The following ZNF549 variants were observed in gnomAD, a reference collection of about 807,000 sequenced individuals.
The protein encoded by ZNF549 is zinc finger protein 549.
Under a neutral mutation model 11.1 loss-of-function variants are expected in ZNF549, and 11 were observed. The ratio of observed to expected loss-of-function variants is 0.99; its 90% CI spans 0.62 to 1.64. The LOEUF (loss-of-function observed/expected upper bound fraction) is 1.64, where lower values mean the gene tolerates loss of function less well. Among genes scored for constraint, ZNF549 ranks in the 40% most tolerant of loss-of-function variants. The pLI is 0.00. For missense variants in ZNF549, 748 were observed against 765.1 expected, an observed-to-expected ratio of 0.98 and a Z score of 0.26; for synonymous variants, 266 against 269.1, an observed-to-expected ratio of 0.99 and a Z score of 0.11.
rs1568590436 is a variant in ZNF549 at position 57,537,435 on chromosome 19, G to A, written c.431G>A (p.Gly144Asp). 1.2e-6 allele frequency: 2 copies of A among 1,614,190 alleles called. No individual in the cohort carries two copies. Among genetic ancestry groups the A allele is most frequent in the East Asian group, 2.2e-5 (1 of 44,884 alleles). Residue 144 changes from glycine to aspartate, a missense_variant, in exon 4 of 4, where the codon GGT becomes GAT. Coordinates refer to ENST00000376233, the MANE Select transcript of ZNF549 (RefSeq NM_001199295.2). ...GCCAGTGGGAAATGGTTTTCATTTG[G>A]TTCTAACCTGCAACAGCACCAGAAC... ...SVASGKWFSF[G>D]SNLQQHQNQD...
At chr19:57,527,982 G>C (rs1056915001) in intron 1 of ZNF549, among the ~76,000 whole-genome samples, 1 of 152,088 alleles carries the variant, frequency 6.6e-6, no homozygotes. Context: ...TCTGAGTGAG[G>C]GTCTGAAAAA....
chr19:57,536,428 A>T (rs1272104965), intron 3 of ZNF549, among the ~76,000 whole-genome samples: 1 of 152,190 alleles, frequency 6.6e-6, no homozygotes, highest in Non-Finnish European at 1.5e-5. Flanking sequence ...AAAGTTCAAA[A>T]TTCAAAGTAT....
intron 1 of ZNF549, among the ~76,000 whole-genome samples, chr19:57,529,020 A>G (rs1568588285): frequency 6.6e-6 from 1 of 152,218 alleles, no homozygotes. Flanking sequence ...TAAGATTATG[A>G]TACCATATTT....
rs2089931646 is a variant in ZNF549 at position 57,537,610 on chromosome 19, C to T, written c.606C>T (p.Thr202=). Residue 202 remains threonine, a synonymous_variant, in exon 4 of 4, where the codon ACC becomes ACT. Transcript: ENST00000376233. ...TCCTGGGCCTTCTCCAACACCAGAC[C>T]ACCCACAGCAGACAAGAGTATGCAC... ...PTILGLLQHQ[T]THSRQEYAHR... 1 of 1,614,166 alleles carries T rather than the reference C, an allele frequency of 6.2e-7. No homozygotes were observed.
rs993559087 is a variant in ZNF549, at chr19:57,538,491, C to T, written c.1487C>T (p.Thr496Ile). The T allele has an allele frequency of 1.2e-6, 2 of 1,614,088 alleles. No individual in the cohort carries two copies. Among genetic ancestry groups the T allele is most frequent in the African/African-American group, 1.3e-5 (1 of 74,918 alleles). Reference protein sequence around the residue: ...QTLLKHHKIHTRERPYECSEC... With the variant: ...QTLLKHHKIHIRERPYECSEC... ...CTTCTTAAGCATCACAAAATCCACA[C>T]TAGAGAAAGGCCTTATGAATGCAGT... The change falls in exon 4 of 4, where the codon ACT becomes ATT. Residue 496 changes from threonine to isoleucine, a missense_variant. Thr to Ile is a moderately conservative substitution (Grantham distance 89, BLOSUM62 -1). Transcript: ENST00000376233.
rs980374067 is a variant in ZNF549 at position 57,539,031 on chromosome 19, C to T, written c.*104C>T. ...AATTCACCCTCATACATCTGCATAT[C>T]ACTAGTTGAAAGATTCACTACAAGG... is the stretch of plus-strand genomic sequence containing the variant. On this transcript the variant is annotated 3_prime_UTR_variant, in exon 4 of 4. Coordinates refer to ENST00000376233, the MANE Select transcript of ZNF549 (RefSeq NM_001199295.2). The T allele has an allele frequency of 7.7e-7, 1 of 1,295,996 alleles. No homozygotes were observed. The highest frequency in any genetic ancestry group is 2.3e-5 in the Admixed American group (1 of 43,624). The allele number at this position is 1,295,996 out of a possible 1,614,324, so 80.3% of individuals were successfully genotyped here. A position where few individuals can be genotyped will look rare whatever the true frequency, so the allele number is the denominator to read the frequency against.
At chr19:57,527,712 T>G in intron 1 of ZNF549, 106 bp downstream of exon 1, 1 of 1,405,114 alleles carries the variant, frequency 7.1e-7, no homozygotes, top group Non-Finnish European at 9.8e-7. Flanking sequence ...CAGCGAGGAG[T>G]TCTGGGTGGG....
Position 57,540,094 on chromosome 19 carries a change from A to G in ZNF549, c.*1167A>G, listed in dbSNP as rs1905261902. ...TGAGATGATTGCTGCACGGGCAGGA[A>G]AGCAGGATTTGAGAGAACATACACC... is the stretch of plus-strand genomic sequence containing the variant. On this transcript the variant is annotated 3_prime_UTR_variant, in exon 4 of 4. Transcript: ENST00000376233. The G allele has an allele frequency of 6.6e-6, 1 of 152,240 alleles. No individual in the cohort carries two copies. The highest frequency in any genetic ancestry group is 1.5e-5 in the Non-Finnish European group (1 of 68,052). 9.4% of individuals were successfully genotyped at this position (152,240 alleles called of 1,614,324 possible). A position where few individuals can be genotyped will look rare whatever the true frequency, so the allele number is the denominator to read the frequency against.
At chr19:57,536,089 T>C (rs1387573826) in intron 3 of ZNF549, among the ~76,000 whole-genome samples, 1 of 152,136 alleles carries the variant, frequency 6.6e-6, no homozygotes, top group African/African-American at 2.4e-5. Context: ...ACTGTGATTG[T>C]CCCCTACCTC....
intron 2 of ZNF549, among the ~76,000 whole-genome samples, chr19:57,533,854 G>A (rs542240348): frequency 9.9e-5 from 15 of 152,086 alleles, no homozygotes; most frequent in African/African-American, 3.6e-4. Context: ...TTTTCAGTCT[G>A]TTTAACTCTT....
intron 3 of ZNF549, among the ~76,000 whole-genome samples, chr19:57,536,222 C>T (rs532473374): frequency 5.3e-5 from 8 of 152,208 alleles, no homozygotes; most frequent in Admixed American, 3.3e-4. Flanking sequence ...GGGGTTATAT[C>T]CTGATAAACC....
At position 57,527,612 on chromosome 19, in the gene ZNF549, A is replaced by G; in HGVS notation, c.33+6A>G. The G allele has an allele frequency of 1.2e-6, 2 of 1,613,500 alleles. No individual in the cohort carries two copies. Among genetic ancestry groups the G allele is most frequent in the African/African-American group, 1.3e-5 (1 of 75,026 alleles). ...CGCTAGTGATTACGCCGCAGGTGAG[A>G]GCGGAGTCCTCGGATCCTCACCTGG... is the stretch of plus-strand genomic sequence containing the variant. On this transcript the variant is annotated splice_donor_region_variant and intron_variant, in intron 1 of 3. Transcript: ENST00000376233.
At chr19:57,528,701 CTA>C (rs1453629040) in intron 1 of ZNF549, among the ~76,000 whole-genome samples, 1 of 152,172 alleles carries the variant, frequency 6.6e-6, no homozygotes, top group Non-Finnish European at 1.5e-5. Context: ...ACTGTTCACT[CTA>C]TGTGGAGCCA....
In ZNF549 at chr19:57,537,313, T is replaced by G. The variant is rs1395418101; in HGVS notation, c.309T>G (p.Ala103=). 1 of 1,614,216 alleles carries G rather than the reference T, an allele frequency of 6.2e-7. No individual in the cohort carries two copies. The highest frequency in any genetic ancestry group is 2.2e-5 in the East Asian group (1 of 44,874). Residue 103 remains alanine, a synonymous_variant, in exon 4 of 4, where the codon GCT becomes GCG. Transcript: ENST00000376233. ...AGCTAGGTCCTTCCATCCCAAATGCTCATTCTTGTGAGATGTGTATCCTGG... is the reference window on the plus strand; with the variant it reads ...AGCTAGGTCCTTCCATCCCAAATGCGCATTCTTGTGAGATGTGTATCCTGG... ...TPKLGPSIPN[A]HSCEMCILVM...
In ZNF549 at chr19:57,537,182, A is replaced by T. The variant is rs1233844735; in HGVS notation, c.200-22A>T. ...TTCTACCAAAGTCTGCATATACTTC[A>T]CTTGCATTTTTATGCTTTTAGGTTG... On this transcript the variant is annotated intron_variant, in intron 3 of 3. Transcript: ENST00000376233. The T allele has an allele frequency of 1.9e-6, 3 of 1,596,722 alleles. No individual in the cohort carries two copies. The South Asian group carries it at 3.4e-5, about 18-fold the overall frequency.
chr19:57,534,447 A>T (rs2089915934), intron 2 of ZNF549, among the ~76,000 whole-genome samples: 1 of 152,160 alleles, frequency 6.6e-6, no homozygotes, highest in Admixed American at 6.5e-5. Context: ...ATTAGGTTAA[A>T]AGCAAATGAG....
chr19:57,535,346 T>C (rs1240265967), intron 3 of ZNF549, 76 bp downstream of exon 3: 3 of 1,529,940 alleles, frequency 2.0e-6, no homozygotes, highest in African/African-American at 2.7e-5. Context: ...TTTCCTGTCT[T>C]TCCCAGAGTT....
At chr19:57,527,656 G>T (rs780714814) in intron 1 of ZNF549, 50 bp downstream of exon 1, 1 of 1,599,654 alleles carries the variant, frequency 6.3e-7, no homozygotes, top group Non-Finnish European at 8.5e-7. Context: ...GCCCCGGACT[G>T]GGGTCACCTG....
chr19:57,537,755 G>A lies in ZNF549; in HGVS notation c.751G>A (p.Glu251Lys), dbSNP rs1050496067. The A allele has an allele frequency of 6.2e-7, 1 of 1,614,182 alleles. No homozygotes were observed. The highest frequency in any genetic ancestry group is 8.5e-7 in the Non-Finnish European group (1 of 1,180,040). The change falls in exon 4 of 4, where the codon GAA (glutamate) becomes AAA (lysine). Residue 251 changes from glutamate (E) to lysine (K), a missense_variant. Glu to Lys is a moderately conservative substitution (Grantham distance 56, BLOSUM62 1). Coordinates refer to ENST00000376233, the MANE Select transcript of ZNF549 (RefSeq NM_001199295.2). ...TGGAGAAAAAGCTTATAAGCGTAGG[G>A]AATATGGGAAATCCTTGAACTCTAA... ...HTGEKAYKRR[E>K]YGKSLNSKYL...
Sources: allele counts gnomAD v4.1 joint callset (sites outside exome capture counted in the v4.1 genomes callset), GRCh38; gene constraint gnomAD v4.1.1; transcripts MANE v1.5; gene names NCBI Gene and HGNC (gene_info 2026-07-23, HGNC 2026-07-21).